Variants in STARD13 observed in about 807,000 individuals in gnomAD.
STARD13 encodes stAR-related lipid transfer protein 13.
STARD13 carries 62 observed loss-of-function variants against 106.4 expected under a neutral mutation model. That is an observed-to-expected ratio of 0.58 (90% confidence interval 0.48 to 0.72). The LOEUF is 0.72. Ranked by LOEUF, STARD13 falls within the 30% of genes least tolerant of loss-of-function variation. STARD13 has a pLI of 0.00. For missense variants in STARD13, 1,387 were observed against 1,424.0 expected (o/e 0.97, Z 0.42); for synonymous variants, 565 against 553.0 (o/e 1.02, Z -0.31).
chr13:33,117,977 G>A (rs780525730), intron 8 of STARD13, 88 bp downstream of exon 8: 69 of 1,579,258 alleles, frequency 4.4e-5, no homozygotes, highest in South Asian at 2.0e-4. Context: ...TGTATTATTC[G>A]TATAATTAAA....
At chr13:33,344,468 T>C (rs1162532900), downstream of STARD13, among the ~76,000 whole-genome samples, 1 of 152,038 alleles carries the variant, frequency 6.6e-6, no homozygotes, top group Non-Finnish European at 1.5e-5. Context: ...TATCATCCTG[T>C]ACTTTTGATA....
At chr13:33,276,098 T>G (rs1891417183) in intron 1 of STARD13, 1 of 152,228 alleles carries the variant, frequency 6.6e-6, no homozygotes, top group South Asian at 2.1e-4. Context: ...TAAAAATATT[T>G]AAGCAGCTTT....
intron 1 of STARD13, among the ~76,000 whole-genome samples, chr13:33,209,799 T>C (rs1292241515): frequency 3.3e-5 from 5 of 151,824 alleles, no homozygotes; most frequent in African/African-American, 1.2e-4. Context: ...AGAGACACCC[T>C]GTCTCCACAC....
chr13:33,252,097 CT>C (rs1037975320), intron 1 of STARD13, among the ~76,000 whole-genome samples: 2 of 152,174 alleles, frequency 1.3e-5, no homozygotes, highest in African/African-American at 4.8e-5. Flanking sequence ...ATAAATGGCC[CT>C]CTGGCACTAA....
intron 3 of STARD13, among the ~76,000 whole-genome samples, chr13:33,160,366 A>G (rs1462425415): frequency 6.6e-6 from 1 of 152,198 alleles, no homozygotes; most frequent in Non-Finnish European, 1.5e-5. Context: ...CATAGGGTAA[A>G]TAGTTGTGAC....
At chr13:33,275,174 G>C (rs1384587066) in intron 1 of STARD13, among the ~76,000 whole-genome samples, 1 of 151,986 alleles carries the variant, frequency 6.6e-6, no homozygotes, top group East Asian at 1.9e-4. Context: ...AAAGGCAATG[G>C]TTTTCATTAC....
At chr13:33,208,208 G>A (rs1887524879) in intron 1 of STARD13, among the ~76,000 whole-genome samples, 1 of 152,200 alleles carries the variant, frequency 6.6e-6, no homozygotes, top group African/African-American at 2.4e-5. Context: ...ATCACCTAAA[G>A]CAGGATATGA....
the STARD13 span, among the ~76,000 whole-genome samples, chr13:33,584,765 C>T: frequency 2.6e-5 from 4 of 151,936 alleles, no homozygotes; most frequent in African/African-American, 9.7e-5. Context: ...GCGATTGGAT[C>T]ATGGGAGCGG....
rs150965295 is a variant in STARD13, at chr13:33,329,323, C to T, written c.124+20967G>A. Among the ~76,000 whole-genome samples the T allele has an allele frequency of 3.4e-3, 519 of 152,074 alleles. 4 individuals are homozygous for T. Among genetic ancestry groups the T allele is most frequent in the Middle Eastern group, 0.014 (4 of 294 alleles). ...AATTGTATATATTTAAGGTGTACAA[C>T]GGGATGTCTTCATATACATTGTGAA... is the stretch of plus-strand genomic sequence containing the variant. On this transcript the variant is annotated intron_variant, in intron 1 of 5. Transcript: ENST00000567873.
At chr13:33,502,808 G>A in the STARD13 span, among the ~76,000 whole-genome samples, 1 of 152,130 alleles carries the variant, frequency 6.6e-6, no homozygotes, top group Non-Finnish European at 1.5e-5. Flanking sequence ...GAGGATTTTT[G>A]CTTCAATGTT....
At chr13:33,371,482 T>C in the STARD13 span, among the ~76,000 whole-genome samples, 1 of 152,258 alleles carries the variant, frequency 6.6e-6, no homozygotes, top group Non-Finnish European at 1.5e-5. Flanking sequence ...AACAATCTTT[T>C]AATTTCATCT....
intron 1 of STARD13, among the ~76,000 whole-genome samples, chr13:33,269,513 C>A (rs985819101): frequency 1.3e-5 from 2 of 152,178 alleles, no homozygotes; most frequent in Non-Finnish European, 2.9e-5. Flanking sequence ...CAGCTAGACA[C>A]CCACACCAGG....
At chr13:33,521,535 T>G in the STARD13 span, among the ~76,000 whole-genome samples, 1 of 152,112 alleles carries the variant, frequency 6.6e-6, no homozygotes, top group Admixed American at 6.6e-5. Context: ...GGCCCCAGCT[T>G]GCATGCTGCC....
chr13:33,467,248 G>C, the STARD13 span, among the ~76,000 whole-genome samples: 1 of 151,868 alleles, frequency 6.6e-6, no homozygotes, highest in Non-Finnish European at 1.5e-5. Flanking sequence ...CTGTCTGGGG[G>C]TGACGGGAGA....
the STARD13 span, among the ~76,000 whole-genome samples, chr13:33,423,871 ACT>A: frequency 6.6e-6 from 1 of 152,142 alleles, no homozygotes; most frequent in Admixed American, 6.5e-5. Context: ...GCATGTTCTC[ACT>A]CATAGGTGGG....
chr13:33,442,852 T>C, the STARD13 span, among the ~76,000 whole-genome samples: 6 of 152,198 alleles, frequency 3.9e-5, no homozygotes, highest in Non-Finnish European at 2.9e-5. Context: ...AAAACATTCA[T>C]AAATGTGATG....
At chr13:33,134,532 C>T (rs930017689) in intron 4 of STARD13, among the ~76,000 whole-genome samples, 8 of 152,212 alleles carry the variant, frequency 5.3e-5, no homozygotes, top group African/African-American at 1.9e-4. Context: ...GCCGGAACTC[C>T]TGTTTTTAAA....
chr13:33,110,963 T>A, intron 10 of STARD13, 56 bp from the exon 11 acceptor site: 1 of 1,501,042 alleles, frequency 6.7e-7, no homozygotes, highest in Non-Finnish European at 9.2e-7. Context: ...ACGCCGAGAC[T>A]CAAAGAAAGC....
At chr13:33,347,308 T>C (rs2078028080), downstream of STARD13, among the ~76,000 whole-genome samples, 2 of 152,214 alleles carry the variant, frequency 1.3e-5, no homozygotes, top group Admixed American at 1.3e-4. Flanking sequence ...CAATCTTGGC[T>C]CACTGTAACC....
Sources: gnomAD v4.1 joint callset for allele counts (sites outside exome capture counted in the v4.1 genomes callset) on GRCh38, gnomAD v4.1.1 for gene constraint, MANE v1.5 for transcripts, NCBI Gene and HGNC (gene_info 2026-07-23, HGNC 2026-07-21) for gene names.